ZNF367: variants seen among roughly 807,000 people sequenced by gnomAD.
ZNF367 encodes the protein zinc finger protein 367, also known as C2H2 zinc finger protein ZFF29.
In ZNF367, 11 loss-of-function variants were observed where a neutral mutation model predicts 31.8. The observed-to-expected ratio is 0.35, with a 90% confidence interval of 0.22 to 0.57. The LOEUF (loss-of-function observed/expected upper bound fraction) is 0.57, where lower values mean the gene tolerates loss of function less well. Ranked by LOEUF, ZNF367 falls within the 20% of genes least tolerant of loss-of-function variation. The probability of loss-of-function intolerance (pLI) is 0.85; values close to 1 mark genes in which losing one functional copy is unlikely to be tolerated. For synonymous variants in ZNF367, 199 were observed against 202.4 expected (o/e 0.98, Z 0.14); for missense variants, 353 against 484.1 (o/e 0.73, Z 2.54).
intron 4 of ZNF367, among the ~76,000 whole-genome samples, chr9:96,390,954 A>C (rs1466650729): frequency 6.6e-6 from 1 of 151,830 alleles, no homozygotes; most frequent in African/African-American, 2.4e-5. Flanking sequence ...ATTAGAAATA[A>C]TGGGGCAGTA....
intron 1 of ZNF367, among the ~76,000 whole-genome samples, chr9:96,399,722 G>A (rs772474466): frequency 2.0e-5 from 3 of 152,126 alleles, no homozygotes; most frequent in African/African-American, 2.4e-5. Flanking sequence ...GGAGGCTGAC[G>A]CAGGAGAATT....
At position 96,386,657 on chromosome 9, in the gene ZNF367, G is replaced by A. The variant is rs1416934159; in HGVS notation, c.*1580C>T. 1.3e-5 allele frequency: 2 copies of A among 152,066 alleles called. No individual in the cohort carries two copies. Among genetic ancestry groups the A allele is most frequent in the East Asian group, 3.8e-4 (2 of 5,196 alleles). 9.4% of individuals were successfully genotyped at this position (152,066 alleles called of 1,614,324 possible). On this transcript the variant is annotated 3_prime_UTR_variant, in exon 5 of 5. Transcript: ENST00000375256. ...CAGAGGAATTACATTTTTAAAGTAT[G>A]TCCTCATCATACACATTATTCGTAA...
intron 3 of ZNF367, among the ~76,000 whole-genome samples, chr9:96,393,697 C>T (rs926375280): frequency 6.7e-6 from 1 of 150,006 alleles, no homozygotes; most frequent in East Asian, 2.0e-4. Flanking sequence ...TGGGTATGGT[C>T]GCGTATGCCT....
At chr9:96,413,387 T>C (rs1161857292) in intron 1 of ZNF367, among the ~76,000 whole-genome samples, 1 of 152,204 alleles carries the variant, frequency 6.6e-6, no homozygotes, top group Non-Finnish European at 1.5e-5. Context: ...ATACTATGAA[T>C]TTATGTATTA....
intron 1 of ZNF367, among the ~76,000 whole-genome samples, chr9:96,412,468 C>T (rs1831762949): frequency 6.6e-6 from 1 of 152,096 alleles, no homozygotes; most frequent in African/African-American, 2.4e-5. Context: ...AAAAATAGGT[C>T]TCAGAGGGAG....
At chr9:96,405,314 CAAAAAAAAAA>C (rs975848691) in intron 1 of ZNF367, among the ~76,000 whole-genome samples, 2 of 55,146 alleles carry the variant, frequency 3.6e-5, no homozygotes, top group South Asian at 6.0e-4. Context: ...AACTCTGTCT[CAAAAAAAAAA>C]AAAAAAAAAA....
intron 1 of ZNF367, among the ~76,000 whole-genome samples, chr9:96,413,945 T>C (rs1670801944): frequency 6.6e-6 from 1 of 151,876 alleles, no homozygotes; most frequent in South Asian, 2.1e-4. Flanking sequence ...TGGGAGAATG[T>C]TATTGGCACT....
At chr9:96,397,199 A>C (rs1831543490) in intron 2 of ZNF367, among the ~76,000 whole-genome samples, 1 of 152,148 alleles carries the variant, frequency 6.6e-6, no homozygotes, top group South Asian at 2.1e-4. Flanking sequence ...ACTGATTGTA[A>C]GCCGGTAGTA....
intron 1 of ZNF367, among the ~76,000 whole-genome samples, chr9:96,402,715 G>A (rs1043942455): frequency 7.1e-6 from 1 of 139,956 alleles, no homozygotes; most frequent in East Asian, 2.2e-4. Flanking sequence ...CAAGTGATCC[G>A]CCCACCTCGG....
At position 96,417,506 on chromosome 9, in the gene ZNF367, G is replaced by A. The variant is rs574424168; in HGVS notation, c.420+107C>T. On this transcript the variant is annotated intron_variant, in intron 1 of 4. Coordinates refer to ENST00000375256, the MANE Select transcript of ZNF367 (RefSeq NM_153695.4). The surrounding 1 kb of genome is among the most constrained non-coding windows in gnomAD (Gnocchi z 5.0). Reference sequence around the variant, plus strand: ...CAGCATCCTGTCAGCCGCAGCCCCCGCCGTAGCCGGATCGACCTCGCGTTT... The same window carrying A: ...CAGCATCCTGTCAGCCGCAGCCCCCACCGTAGCCGGATCGACCTCGCGTTT... 3 of 249,350 alleles carry A rather than the reference G, an allele frequency of 1.2e-5. No homozygotes were observed. Among genetic ancestry groups the A allele is most frequent in the South Asian group, 1.6e-4 (1 of 6,410 alleles). 15.4% of individuals were successfully genotyped at this position (249,350 alleles called of 1,614,324 possible). A position where few individuals can be genotyped will look rare whatever the true frequency, so the allele number is the denominator to read the frequency against.
At position 96,386,052 on chromosome 9, in the gene ZNF367, C is replaced by T. The variant is rs890379463; in HGVS notation, c.*2185G>A. 6.6e-6 allele frequency: 1 copy of T among 152,142 alleles called. No individual in the cohort carries two copies. The highest frequency in any genetic ancestry group is 6.5e-5 in the Admixed American group (1 of 15,268). 9.4% of individuals were successfully genotyped at this position (152,142 alleles called of 1,614,324 possible). On this transcript the variant is annotated 3_prime_UTR_variant, in exon 5 of 5. Transcript: ENST00000375256. ...ACTTAGCCATATGAAGCATAAAACA[C>T]TTCAAAAATTTGAATGTAAACCATT... is the stretch of plus-strand genomic sequence containing the variant.
chr9:96,409,210 CT>C (rs1179041046), intron 1 of ZNF367, among the ~76,000 whole-genome samples: 6 of 152,222 alleles, frequency 3.9e-5, no homozygotes, highest in Non-Finnish European at 8.8e-5. Flanking sequence ...CTGGTACAGC[CT>C]GCAGAACTAC....
rs781738439 is a variant in ZNF367 at position 96,388,346 on chromosome 9, T to C, written c.944A>G (p.Asp315Gly). 4 of 1,613,268 alleles carry C rather than the reference T, an allele frequency of 2.5e-6. No homozygotes were observed. The South Asian group carries it at 3.3e-5, about 13-fold the overall frequency. ...LEYLQSDEEDDEKRGAQRRLQ... is the reference protein window; with the variant it reads ...LEYLQSDEEDGEKRGAQRRLQ... ...CCGGCGCTGGGCCCCTCTCTTCTCG[T>C]CGTCCTCTTCATCAGACTGAAGGTA... The change falls in exon 5 of 5, where the codon GAC (aspartate) becomes GGC (glycine). Residue 315 changes from aspartate to glycine, a missense_variant. This residue lies in a region of ZNF367 where 101 missense variants were observed against 140.0 expected (regional missense o/e 0.72). Coordinates refer to ENST00000375256, the MANE Select transcript of ZNF367 (RefSeq NM_153695.4).
chr9:96,402,947 A>C (rs1831626394), intron 1 of ZNF367, among the ~76,000 whole-genome samples: 1 of 151,842 alleles, frequency 6.6e-6, no homozygotes, highest in South Asian at 2.1e-4. Context: ...GGAAAACAGG[A>C]ACAAATATAT....
chr9:96,412,697 CTTT>C (rs71368258), intron 1 of ZNF367, among the ~76,000 whole-genome samples: 9 of 133,788 alleles, frequency 6.7e-5, no homozygotes, highest in African/African-American at 1.1e-4. Context: ...TTTTTCTTTT[CTTT>C]TTTTTTTTTT....
At position 96,417,975 on chromosome 9, in the gene ZNF367, C is replaced by A; in HGVS notation, c.58G>T (p.Val20Phe). The change falls in exon 1 of 5, where the codon GTC becomes TTC. Residue 20 changes from valine (V) to phenylalanine (F), a missense_variant. By Grantham distance (50) the Val-to-Phe change is conservative. Around this residue, in one of 5 missense-constraint regions of ZNF367, gnomAD observed 94 missense variants for 86.7 expected, o/e 1.08. Coordinates refer to ENST00000375256, the MANE Select transcript of ZNF367 (RefSeq NM_153695.4). This position sits in a 1 kb window ranked among gnomAD's most constrained non-coding sequence, Gnocchi z 5.0. ...TTCGGGGAGTCGTGGCAGAAGATGA[C>A]GGGCGGCGGCGGCGGCGGCGGGTTC... is the stretch of plus-strand genomic sequence containing the variant. ...AENPPPPPPP[V>F]IFCHDSPKRV... is the part of the protein sequence containing the mutation. 6.9e-7 allele frequency: 1 copy of A among 1,447,840 alleles called. No individual in the cohort carries two copies. The highest frequency in any genetic ancestry group is 9.0e-7 in the Non-Finnish European group (1 of 1,106,158). The allele number at this position is 1,447,840 out of a possible 1,614,324, so 89.7% of individuals were successfully genotyped here.
At chr9:96,394,418 T>G (rs914003794) in intron 3 of ZNF367, among the ~76,000 whole-genome samples, 1 of 152,172 alleles carries the variant, frequency 6.6e-6, no homozygotes, top group African/African-American at 2.4e-5. Flanking sequence ...GACCTAGTAT[T>G]TTATAGCACA....
At chr9:96,414,026 A>C (rs1018475574) in intron 1 of ZNF367, among the ~76,000 whole-genome samples, 2 of 152,252 alleles carry the variant, frequency 1.3e-5, no homozygotes, top group African/African-American at 4.8e-5. Context: ...CTGATGATGC[A>C]CATGGAGATA....
At chr9:96,402,453 T>C (rs1831617513) in intron 1 of ZNF367, among the ~76,000 whole-genome samples, 1 of 126,200 alleles carries the variant, frequency 7.9e-6, no homozygotes, top group African/African-American at 3.1e-5. Context: ...TCTTTTTTTT[T>C]TTTTTTTTTT....
Sources: allele counts gnomAD v4.1 joint callset (sites outside exome capture counted in the v4.1 genomes callset), GRCh38; gene constraint gnomAD v4.1.1; regional missense constraint gnomAD v4.1.1; non-coding constraint Gnocchi (gnomAD v3.1); transcripts MANE v1.5; gene names NCBI Gene and HGNC (gene_info 2026-07-23, HGNC 2026-07-21).